Variants in PTPRD observed in about 807,000 individuals in gnomAD.
The protein encoded by PTPRD is receptor-type tyrosine-protein phosphatase delta.
PTPRD carries 34 observed loss-of-function variants against 214.5 expected under a neutral mutation model. The ratio of observed to expected loss-of-function variants is 0.16; its 90% confidence interval spans 0.12 to 0.21. The LOEUF (loss-of-function observed/expected upper bound fraction) is 0.21. Ranked by LOEUF, PTPRD falls within the 10% of genes least tolerant of loss-of-function variation. The pLI is 1.00. For missense variants in PTPRD, 2,545 were observed against 2,398.7 expected (o/e 1.06, Z -1.27); for synonymous variants, 1,128 against 845.7 (o/e 1.33, Z -5.79).
rs559553474 is a variant in PTPRD, at chr9:10,463,750, C to G, written c.-599-122733G>C. On this transcript the variant is annotated intron_variant, in intron 2 of 45. Coordinates refer to ENST00000381196, the MANE Select transcript of PTPRD (RefSeq NM_002839.4). The stretch of plus-strand genomic sequence containing the variant: ...ACAGAGGAATAACTTCAGAGTCTTA[C>G]AAAAAAGAGGTGTGATCCAAGAAAA... 5.9e-5 allele frequency among the ~76,000 whole-genome samples: 9 copies of G among 151,444 alleles called. No individual in the cohort carries two copies. The South Asian group carries it at 1.9e-3, about 31-fold the overall frequency.
chr9:9,052,849 C>T (rs765900650), intron 10 of PTPRD, among the ~76,000 whole-genome samples: 3 of 152,062 alleles, frequency 2.0e-5, no homozygotes, highest in African/African-American at 7.2e-5. Context: ...ATCTTCTAGG[C>T]AGAATAAAGT....
intron 5 of PTPRD, among the ~76,000 whole-genome samples, chr9:9,932,532 G>A (rs1375066185): frequency 2.5e-5 from 3 of 119,856 alleles, no homozygotes; most frequent in Admixed American, 1.8e-4. Flanking sequence ...AGAGAAAAAA[G>A]AATAAAAAGA....
At chr9:10,554,293 T>C (rs2131251602) in intron 2 of PTPRD, among the ~76,000 whole-genome samples, 1 of 152,316 alleles carries the variant, frequency 6.6e-6, no homozygotes, top group Middle Eastern at 3.4e-3. Flanking sequence ...CATTCAATAA[T>C]CTCATGGACC....
chr9:8,973,607 T>C (rs2099251785), intron 11 of PTPRD, among the ~76,000 whole-genome samples: 1 of 152,108 alleles, frequency 6.6e-6, no homozygotes, highest in South Asian at 2.1e-4. Context: ...GGTTGAATGG[T>C]AGCTCTGTTT....
intron 7 of PTPRD, among the ~76,000 whole-genome samples, chr9:9,675,467 A>T (rs2096911100): frequency 6.6e-6 from 1 of 151,790 alleles, no homozygotes; most frequent in Admixed American, 6.6e-5. Context: ...TTGTTTAAAA[A>T]TATGATAAAT....
intron 5 of PTPRD, among the ~76,000 whole-genome samples, chr9:9,891,503 A>G (rs2073313922): frequency 6.6e-6 from 1 of 151,888 alleles, no homozygotes. Context: ...TGCTATGTAT[A>G]TTTCTCTGCA....
chr9:8,557,897 T>C (rs1263508302), intron 14 of PTPRD, among the ~76,000 whole-genome samples: 3 of 151,066 alleles, frequency 2.0e-5, no homozygotes, highest in African/African-American at 7.3e-5. Context: ...GAAATAAACA[T>C]AGAAGTAAAG....
chr9:10,238,478 C>T (rs1283511928), intron 3 of PTPRD, among the ~76,000 whole-genome samples: 1 of 151,920 alleles, frequency 6.6e-6, no homozygotes, highest in East Asian at 1.9e-4. Flanking sequence ...TACCAAAGAT[C>T]ATCCAGCCTG....
At chr9:8,408,057 T>C (rs1589675569) in intron 35 of PTPRD, among the ~76,000 whole-genome samples, 1 of 152,324 alleles carries the variant, frequency 6.6e-6, no homozygotes, top group East Asian at 1.9e-4. Flanking sequence ...TAATTGCTGG[T>C]GACAGACACA....
intron 12 of PTPRD, among the ~76,000 whole-genome samples, chr9:8,668,048 A>G (rs2097203913): frequency 1.3e-5 from 2 of 152,174 alleles, no homozygotes; most frequent in Admixed American, 1.3e-4. Context: ...GTCACTTTTA[A>G]TTTTTTGCAA....
At chr9:9,210,695 C>T (rs1593635160) in intron 9 of PTPRD, among the ~76,000 whole-genome samples, 1 of 151,994 alleles carries the variant, frequency 6.6e-6, no homozygotes, top group Non-Finnish European at 1.5e-5. Context: ...CATACATGTG[C>T]CACATGTATG....
chr9:10,046,518 T>A (rs1372884588), intron 3 of PTPRD, among the ~76,000 whole-genome samples: 1 of 151,872 alleles, frequency 6.6e-6, no homozygotes, highest in Non-Finnish European at 1.5e-5. Context: ...TAGGCACATG[T>A]CACTCTGAAA....
intron 14 of PTPRD, among the ~76,000 whole-genome samples, chr9:8,536,476 T>C (rs749699211): frequency 4.0e-5 from 6 of 151,882 alleles, no homozygotes; most frequent in Non-Finnish European, 8.8e-5. Context: ...TATATACATA[T>C]GTTATAGGCT....
intron 8 of PTPRD, among the ~76,000 whole-genome samples, chr9:9,503,662 T>C (rs2096491641): frequency 6.6e-6 from 1 of 151,720 alleles, no homozygotes; most frequent in South Asian, 2.1e-4. Context: ...ATGGTAGAAG[T>C]GTGTAAGTTC....
At chr9:10,418,078 T>G (rs541588248) in intron 2 of PTPRD, among the ~76,000 whole-genome samples, 2 of 151,828 alleles carry the variant, frequency 1.3e-5, no homozygotes, top group Non-Finnish European at 2.9e-5. Context: ...TTAGATTTTT[T>G]TAAATTAAAA....
chr9:8,618,170 C>A (rs1290940397), intron 14 of PTPRD, among the ~76,000 whole-genome samples: 2 of 152,038 alleles, frequency 1.3e-5, no homozygotes, highest in African/African-American at 4.8e-5. Context: ...TGTAAAGCTT[C>A]CACCAACTGC....
At chr9:8,971,816 C>A (rs2099240333) in intron 11 of PTPRD, among the ~76,000 whole-genome samples, 1 of 151,340 alleles carries the variant, frequency 6.6e-6, no homozygotes, top group Non-Finnish European at 1.5e-5. Context: ...TATTATTATT[C>A]TCATTTTATA....
At chr9:8,688,421 C>A (rs532319152) in intron 12 of PTPRD, among the ~76,000 whole-genome samples, 3 of 151,828 alleles carry the variant, frequency 2.0e-5, no homozygotes, top group African/African-American at 7.3e-5. Context: ...CAAAATTAGC[C>A]GGGCGTGGTG....
intron 11 of PTPRD, among the ~76,000 whole-genome samples, chr9:8,882,044 A>T (rs964362556): frequency 2.6e-5 from 4 of 152,214 alleles, no homozygotes; most frequent in African/African-American, 9.6e-5. Context: ...TGGAGTCCTG[A>T]GGATCATGTC....
Sources: allele counts gnomAD v4.1 joint callset (sites outside exome capture counted in the v4.1 genomes callset), GRCh38; gene constraint gnomAD v4.1.1; transcripts MANE v1.5; gene names NCBI Gene and HGNC (gene_info 2026-07-23, HGNC 2026-07-21).